SLC16A6: variants seen among roughly 807,000 people sequenced by gnomAD.
SLC16A6 encodes monocarboxylate transporter 7.
SLC16A6 carries 15 observed loss-of-function variants against 33.8 expected under a neutral mutation model. That is an observed-to-expected ratio of 0.44 (90% CI 0.30 to 0.68). The LOEUF (loss-of-function observed/expected upper bound fraction) is 0.68. Among genes scored for constraint, SLC16A6 ranks in the 30% least tolerant of loss-of-function variants. The pLI, the probability that SLC16A6 is intolerant of heterozygous loss-of-function variation, is 0.10. For missense variants in SLC16A6, 451 were observed against 661.5 expected (o/e 0.68, Z 3.49); for synonymous variants, 219 against 248.4 (o/e 0.88, Z 1.11).
intron 1 of SLC16A6, among the ~76,000 whole-genome samples, chr17:68,284,023 G>A (rs569529163): frequency 4.0e-5 from 6 of 150,934 alleles, no homozygotes; most frequent in Non-Finnish European, 5.9e-5. Flanking sequence ...CCTAGGAGTC[G>A]GAGGTTGCAG....
At chr17:68,282,492 TAAA>T (rs61418415) in intron 1 of SLC16A6, among the ~76,000 whole-genome samples, 1 of 145,318 alleles carries the variant, frequency 6.9e-6, no homozygotes, top group African/African-American at 2.5e-5. Context: ...CCCTAGAACT[TAAA>T]AAAAAAAAAA....
rs1400581059 is a variant in SLC16A6, at chr17:68,268,303, G to A, written c.*793C>T. 1 of 152,362 alleles carries A rather than the reference G, an allele frequency of 6.6e-6. No individual in the cohort carries two copies. The highest frequency in any genetic ancestry group is 1.5e-5 in the Non-Finnish European group (1 of 68,000). 9.4% of individuals were successfully genotyped at this position (152,362 alleles called of 1,614,324 possible). On this transcript the variant is annotated 3_prime_UTR_variant, in exon 6 of 6. Transcript: ENST00000580666. ...AAAGACACTACAGTCACATATTTCT[G>A]TATAACTAAAAGCAACAGGAAACAC... is the stretch of plus-strand genomic sequence containing the variant.
At position 68,270,840 on chromosome 17, in the gene SLC16A6, T is replaced by A; in HGVS notation, c.1320A>T (p.Ala440=). Residue 440 remains alanine, a splice_region_variant and synonymous_variant, in exon 5 of 6, where the codon GCA becomes GCT. Transcript: ENST00000580666. ...SIAGLAGPPL[A]GLLVDQSKIY... ...TTGTATTTTGTGTATTTAAATTACC[T>A]GCAAGGGGCGGTCCAGCCAGTCCTG... 6.3e-7 allele frequency: 1 copy of A among 1,598,692 alleles called. No individual in the cohort carries two copies. The highest frequency in any genetic ancestry group is 8.5e-7 in the Non-Finnish European group (1 of 1,172,854).
intron 1 of SLC16A6, chr17:68,283,044 T>A (rs1255098091): frequency 6.6e-6 from 1 of 151,392 alleles, no homozygotes; most frequent in Non-Finnish European, 1.5e-5. Flanking sequence ...ATTGCTTGAG[T>A]TGAGGCTGGA....
At chr17:68,275,937 C>T (rs555210847) in intron 2 of SLC16A6, among the ~76,000 whole-genome samples, 3 of 150,496 alleles carry the variant, frequency 2.0e-5, no homozygotes, top group East Asian at 2.0e-4. Context: ...GAGCTGAGAC[C>T]GCACCACTGC....
chr17:68,270,386 T>C (rs1326253535), intron 5 of SLC16A6, among the ~76,000 whole-genome samples: 2 of 152,016 alleles, frequency 1.3e-5, no homozygotes, highest in Non-Finnish European at 2.9e-5. Context: ...AAACCCCATC[T>C]CTACTAAAAA....
At chr17:68,290,717 G>A (rs965000011) in intron 1 of SLC16A6, among the ~76,000 whole-genome samples, 2 of 152,238 alleles carry the variant, frequency 1.3e-5, no homozygotes, top group Non-Finnish European at 2.9e-5. Flanking sequence ...AACTTCATGC[G>A]GAAAATCCGC....
chr17:68,284,934 C>T (rs1247301874), intron 1 of SLC16A6, among the ~76,000 whole-genome samples: 1 of 152,172 alleles, frequency 6.6e-6, no homozygotes, highest in African/African-American at 2.4e-5. Context: ...CCCATGTCCC[C>T]GGACCCTGCC....
chr17:68,282,667 G>GGCATGGT (rs1480675073), intron 1 of SLC16A6, among the ~76,000 whole-genome samples: 1 of 151,276 alleles, frequency 6.6e-6, no homozygotes, highest in African/African-American at 2.4e-5. Context: ...AGCAGTGCCG[G>GGCATGGT]GCATGGTGGC....
chr17:68,288,688 C>G (rs911949628), intron 1 of SLC16A6, among the ~76,000 whole-genome samples: 1 of 152,254 alleles, frequency 6.6e-6, no homozygotes, highest in Non-Finnish European at 1.5e-5. Context: ...GTCTATACTT[C>G]TATGACAGCC....
At chr17:68,273,293 T>C (rs1315529271) in intron 3 of SLC16A6, among the ~76,000 whole-genome samples, 8 of 152,044 alleles carry the variant, frequency 5.3e-5, no homozygotes, top group Admixed American at 5.2e-4. Flanking sequence ...ACTGGAGCCT[T>C]GACCTCCCAG....
Position 68,278,073 on chromosome 17 carries a change from C to T in SLC16A6, c.232+16G>A, listed in dbSNP as rs377276849. Reference sequence around the variant, plus strand: ...CCCTATACTTACGTCATGGTTAGGCCGAAAGATGTACTAACCTGAAAATGT... The same window carrying T: ...CCCTATACTTACGTCATGGTTAGGCTGAAAGATGTACTAACCTGAAAATGT... On this transcript the variant is annotated intron_variant, in intron 2 of 5. Transcript: ENST00000580666. The T allele has an allele frequency of 1.2e-4, 194 of 1,589,152 alleles. 1 individual carries two copies. Among genetic ancestry groups the T allele is most frequent in the African/African-American group, 8.6e-4 (64 of 74,362 alleles).
intron 1 of SLC16A6, among the ~76,000 whole-genome samples, chr17:68,286,354 T>C (rs1475586078): frequency 3.0e-4 from 46 of 152,222 alleles, no homozygotes; most frequent in African/African-American, 2.4e-5. Context: ...ATTGAGGTTA[T>C]CTTTTTCAAT....
At chr17:68,277,555 A>G (rs1278001914) in intron 2 of SLC16A6, among the ~76,000 whole-genome samples, 1 of 152,066 alleles carries the variant, frequency 6.6e-6, no homozygotes, top group Non-Finnish European at 1.5e-5. Context: ...TCAGCCTCCC[A>G]AGTACTGAGG....
intron 2 of SLC16A6, among the ~76,000 whole-genome samples, chr17:68,277,282 C>T (rs2075554874): frequency 6.6e-6 from 1 of 151,912 alleles, no homozygotes; most frequent in Non-Finnish European, 1.5e-5. Context: ...AGGCACATAC[C>T]ACCATGCCCA....
chr17:68,272,220 A>G (rs1489338623), intron 4 of SLC16A6, among the ~76,000 whole-genome samples: 1 of 152,126 alleles, frequency 6.6e-6, no homozygotes, highest in African/African-American at 2.4e-5. Context: ...TTACAGGTGT[A>G]AGCCACCGTG....
At chr17:68,280,373 T>G (rs9890724) in intron 1 of SLC16A6, among the ~76,000 whole-genome samples, 37,460 of 151,704 alleles carry the variant, frequency 0.25, 5,153 homozygotes, top group African/African-American at 0.36. Context: ...GGCATCACAC[T>G]AACAGACCTC....
Position 68,271,339 on chromosome 17 carries a change from G to A in SLC16A6, c.821C>T (p.Pro274Leu), listed in dbSNP as rs140535569. The A allele has an allele frequency of 6.2e-7, 1 of 1,614,110 alleles. No homozygotes were observed. The highest frequency in any genetic ancestry group is 8.5e-7 in the Non-Finnish European group (1 of 1,180,048). The change falls in exon 5 of 6, where the codon CCC becomes CTC. Residue 274 changes from proline (P) to leucine (L), a missense_variant. Transcript: ENST00000580666. The surrounding 1 kb of genome is among the most constrained non-coding windows in gnomAD (Gnocchi z 5.3). ...CGGGGCTTTCTTTTCGCTTGGCCTG[G>A]GGCTGGTCTTCACCAGGACCTGCTG... ...DMQQVLVKTS[P>L]RPSEKKAPLL...
At chr17:68,285,796 T>TG (rs1555754169) in intron 1 of SLC16A6, among the ~76,000 whole-genome samples, 1 of 151,742 alleles carries the variant, frequency 6.6e-6, no homozygotes, top group African/African-American at 2.4e-5. Flanking sequence ...TGTTTTGAGA[T>TG]GGAGTCCAGG....
Sources: allele counts gnomAD v4.1 joint callset (sites outside exome capture counted in the v4.1 genomes callset), GRCh38; gene constraint gnomAD v4.1.1; non-coding constraint Gnocchi (gnomAD v3.1); transcripts MANE v1.5; gene names NCBI Gene and HGNC (gene_info 2026-07-23, HGNC 2026-07-21).